The following CAMTA1 variants were observed in gnomAD, a reference collection of about 807,000 sequenced individuals.
The protein encoded by CAMTA1 is calmodulin-binding transcription activator 1.
In CAMTA1, 27 loss-of-function variants were observed where a neutral mutation model predicts 170.9. That is an observed-to-expected ratio of 0.16 (90% CI 0.12 to 0.22). The LOEUF (loss-of-function observed/expected upper bound fraction) is 0.22. CAMTA1 is among the 10% of genes least tolerant of loss of function. The pLI is 1.00. For missense variants in CAMTA1, 1,619 were observed against 2,217.2 expected, an observed-to-expected ratio of 0.73 and a Z score of 5.42; for synonymous variants, 833 against 891.5, an observed-to-expected ratio of 0.93 and a Z score of 1.17.
At chr1:7,255,279 A>T (rs1667197209) in intron 5 of CAMTA1, among the ~76,000 whole-genome samples, 2 of 152,222 alleles carry the variant, frequency 1.3e-5, no homozygotes. Flanking sequence ...CAGAGCTTAA[A>T]GTACAATTAA....
chr1:7,510,605 C>T (rs1420732227), intron 6 of CAMTA1, among the ~76,000 whole-genome samples: 2 of 146,556 alleles, frequency 1.4e-5, no homozygotes, highest in Non-Finnish European at 3.1e-5. Context: ...GTTCCAGAGT[C>T]CATCAACAAT....
intron 5 of CAMTA1, among the ~76,000 whole-genome samples, chr1:7,356,100 T>C (rs2085090921): frequency 6.6e-6 from 1 of 152,220 alleles, no homozygotes; most frequent in Non-Finnish European, 1.5e-5. Context: ...GGCAGGATGA[T>C]TGGACGGGTT....
At chr1:7,704,238 C>A (rs962746151) in intron 11 of CAMTA1, among the ~76,000 whole-genome samples, 1 of 146,542 alleles carries the variant, frequency 6.8e-6, no homozygotes, top group African/African-American at 2.4e-5. Flanking sequence ...GAGCTTCGGG[C>A]GGCCCCGACG....
chr1:7,541,700 A>G (rs2094612806), intron 6 of CAMTA1, among the ~76,000 whole-genome samples: 1 of 151,968 alleles, frequency 6.6e-6, no homozygotes, highest in African/African-American at 2.4e-5. Context: ...GTTCCCCCAA[A>G]CCCCCACTGC....
rs747718454 is a variant in CAMTA1, at chr1:7,173,017, C to T, written c.303-76474C>T. 3.3e-5 allele frequency among the ~76,000 whole-genome samples: 5 copies of T among 152,204 alleles called. No homozygotes were observed. The highest frequency in any genetic ancestry group is 7.2e-5 in the African/African-American group (3 of 41,462). On this transcript the variant is annotated intron_variant, in intron 4 of 22. Coordinates refer to ENST00000303635, the MANE Select transcript of CAMTA1 (RefSeq NM_015215.4). The surrounding 1 kb of genome is among the most constrained non-coding windows in gnomAD (Gnocchi z 5.4). The stretch of plus-strand genomic sequence containing the variant: ...GGATGGGCTGGCTGTGTCCATCCAT[C>T]CCGTGCTGGAGCGTGGCTGGGGACA...
chr1:7,420,680 C>G (rs1362182119), intron 5 of CAMTA1, among the ~76,000 whole-genome samples: 3 of 152,190 alleles, frequency 2.0e-5, no homozygotes, highest in African/African-American at 7.2e-5. Context: ...CGTATAACCT[C>G]CCAGTCCAAA....
chr1:7,696,500 T>TG (rs1253828215), intron 11 of CAMTA1, among the ~76,000 whole-genome samples: 5 of 151,678 alleles, frequency 3.3e-5, no homozygotes, highest in South Asian at 4.2e-4. Context: ...AGCCAGTTTT[T>TG]TTTTTTTTTA....
At chr1:7,026,716 C>T (rs1407508999) in intron 3 of CAMTA1, among the ~76,000 whole-genome samples, 3 of 151,124 alleles carry the variant, frequency 2.0e-5, no homozygotes, top group East Asian at 2.0e-4. Flanking sequence ...CTGCAACCGC[C>T]GCCTCCCAGG....
intron 5 of CAMTA1, among the ~76,000 whole-genome samples, chr1:7,269,732 A>C (rs1046835762): frequency 6.6e-6 from 1 of 152,164 alleles, no homozygotes; most frequent in Admixed American, 6.6e-5. Flanking sequence ...AGAACTAGAG[A>C]GCAACATCAA....
At chr1:7,412,714 A>T (rs1191486953) in intron 5 of CAMTA1, among the ~76,000 whole-genome samples, 2 of 151,530 alleles carry the variant, frequency 1.3e-5, no homozygotes, top group African/African-American at 2.4e-5. Flanking sequence ...TTGCCTGTTC[A>T]CTCTGATGGT....
intron 6 of CAMTA1, among the ~76,000 whole-genome samples, chr1:7,491,345 A>G (rs966453081): frequency 2.6e-5 from 4 of 152,176 alleles, no homozygotes; most frequent in Non-Finnish European, 4.4e-5. Context: ...CCACCTGGTG[A>G]TTTCACAAAC....
chr1:6,817,345 C>T (rs926956308), intron 1 of CAMTA1, among the ~76,000 whole-genome samples: 3 of 152,146 alleles, frequency 2.0e-5, no homozygotes, highest in African/African-American at 7.2e-5. Context: ...CGTAAAATTT[C>T]AAGTTTTAAT....
At chr1:7,755,230 G>T (rs185383567) in intron 21 of CAMTA1, among the ~76,000 whole-genome samples, 3 of 151,324 alleles carry the variant, frequency 2.0e-5, no homozygotes, top group Non-Finnish European at 2.9e-5. Context: ...GGGAGGCTGG[G>T]GCAGGAGAAT....
At chr1:7,662,143 G>T (rs1357733318) in intron 8 of CAMTA1, among the ~76,000 whole-genome samples, 1 of 152,244 alleles carries the variant, frequency 6.6e-6, no homozygotes, top group Non-Finnish European at 1.5e-5. Context: ...GGGCAGCAGA[G>T]TTGGGGAAGC....
At chr1:7,493,147 CACA>C (rs753336461) in intron 6 of CAMTA1, among the ~76,000 whole-genome samples, 1 of 123,128 alleles carries the variant, frequency 8.1e-6, no homozygotes, top group Non-Finnish European at 1.6e-5. Flanking sequence ...AACGTGAGCA[CACA>C]ACACAAACCT....
chr1:7,261,018 A>G (rs1668082678), intron 5 of CAMTA1, among the ~76,000 whole-genome samples: 1 of 152,224 alleles, frequency 6.6e-6, no homozygotes, highest in Admixed American at 6.5e-5. Context: ...GGTGGTGATA[A>G]GGAAATCAAA....
chr1:7,499,252 CAT>C (rs1450722558), intron 6 of CAMTA1, among the ~76,000 whole-genome samples: 8 of 79,608 alleles, frequency 1.0e-4, no homozygotes. Flanking sequence ...CATGTGTGTA[CAT>C]GAGTGAGTGT....
chr1:7,176,925 G>T (rs190751249), intron 4 of CAMTA1, among the ~76,000 whole-genome samples: 1 of 151,962 alleles, frequency 6.6e-6, no homozygotes, highest in Admixed American at 6.5e-5. Context: ...ACTAGATTGC[G>T]GAGAGGCTGG....
At chr1:7,679,415 A>C (rs1265294060) in intron 11 of CAMTA1, among the ~76,000 whole-genome samples, 1 of 152,192 alleles carries the variant, frequency 6.6e-6, no homozygotes, top group African/African-American at 2.4e-5. Flanking sequence ...CCAGAGAGCC[A>C]GCTGTACCCC....
Sources: allele counts gnomAD v4.1 joint callset (sites outside exome capture counted in the v4.1 genomes callset), GRCh38; gene constraint gnomAD v4.1.1; non-coding constraint Gnocchi (gnomAD v3.1); transcripts MANE v1.5; gene names NCBI Gene and HGNC (gene_info 2026-07-23, HGNC 2026-07-21).